Variants in SLC46A1 observed in about 807,000 individuals in gnomAD.
The protein encoded by SLC46A1 is solute carrier family 46 member 1, also known as proton-coupled folate transporter.
Under a neutral mutation model 32.1 loss-of-function variants are expected in SLC46A1, and 17 were observed. The ratio of observed to expected loss-of-function variants is 0.53; its 90% CI spans 0.36 to 0.79. The LOEUF is 0.79. Ranked by LOEUF, SLC46A1 falls within the 30% of genes least tolerant of loss-of-function variation. The probability of loss-of-function intolerance (pLI) is 0.00; values close to 1 mark genes in which losing one functional copy is unlikely to be tolerated. For synonymous variants in SLC46A1, 240 were observed against 262.7 expected (o/e 0.91, Z 0.84); for missense variants, 517 against 588.2 (o/e 0.88, Z 1.25).
chr17:28,404,830 G>T lies in SLC46A1; in HGVS notation c.867C>A (p.Thr289=). 6.2e-7 allele frequency: 1 copy of T among 1,613,986 alleles called. No homozygotes were observed. Among genetic ancestry groups the T allele is most frequent in the Non-Finnish European group, 8.5e-7 (1 of 1,179,904 alleles). The change falls in exon 2 of 5, where the codon ACC becomes ACA. Residue 289 remains threonine, a synonymous_variant. Coordinates refer to ENST00000612814, the MANE Select transcript of SLC46A1 (RefSeq NM_080669.6). Reference sequence around the variant, plus strand: ...AGAGGGGTGTGCTTAGTTCATAAAGGGTTAAGATGTCCTGGGCCCCAAAGT... The same window carrying T: ...AGAGGGGTGTGCTTAGTTCATAAAGTGTTAAGATGTCCTGGGCCCCAAAGT... ...TVHFGAQDIL[T]LYELSTPLCW...
Position 28,406,084 on chromosome 17 carries a change from G to A in SLC46A1, c.31C>T (p.Pro11Ser). Residue 11 changes from proline (P) to serine (S), a missense_variant, in exon 1 of 5, where the codon CCC becomes TCC. Coordinates refer to ENST00000612814, the MANE Select transcript of SLC46A1 (RefSeq NM_080669.6). The surrounding 1 kb of genome is among the most constrained non-coding windows in gnomAD (Gnocchi z 4.5). ...ACGGCAGCCGCAGGGCGGGCGCGGGGCTTTTCCGGGGGGCTCGCGCTCCCC... is the reference window on the plus strand; with the variant it reads ...ACGGCAGCCGCAGGGCGGGCGCGGGACTTTTCCGGGGGGCTCGCGCTCCCC... MEGSASPPEK[P>S]RARPAAAVLC... The A allele has an allele frequency of 6.3e-7, 1 of 1,577,074 alleles. No individual in the cohort carries two copies. Among genetic ancestry groups the A allele is most frequent in the Non-Finnish European group, 8.6e-7 (1 of 1,164,168 alleles).
At chr17:28,399,871 T>A in intron 4 of SLC46A1, 158 bp from the exon 5 acceptor site, 2 of 716,774 alleles carry the variant, frequency 2.8e-6, no homozygotes, top group South Asian at 3.2e-5. Context: ...GAGGACAATA[T>A]CCAGGGACAT....
chr17:28,406,280 C>G (rs2068261910), upstream of SLC46A1: 1 of 511,388 alleles, frequency 2.0e-6, no homozygotes, highest in Non-Finnish European at 3.1e-6. The surrounding 1 kb of genome is among the most constrained non-coding windows in gnomAD (Gnocchi z 4.5). Flanking sequence ...GGCCACCGGA[C>G]TCTCGCCGCG....
chr17:28,405,909 CGG>C lies in SLC46A1; in HGVS notation c.204_205del (p.Asn68LysfsTer96), dbSNP rs397515391. 9 of 1,603,594 alleles carry C rather than the reference CGG, an allele frequency of 5.6e-6. No homozygotes were observed. The highest frequency in any genetic ancestry group is 6.8e-6 in the Non-Finnish European group (8 of 1,176,130). ...TACCTGCATGGTGGGGTCCGCGCTGCGGTTGCTGCAGCCCCCCCTTTGGCGGG... is the reference window on the plus strand; with the variant it reads ...TACCTGCATGGTGGGGTCCGCGCTGCTTGCTGCAGCCCCCCCTTTGGCGGG... On this transcript the variant is annotated frameshift_variant, in exon 1 of 5. Transcript: ENST00000612814. LOFTEE classifies it high-confidence loss of function.
At chr17:28,405,768 C>T (rs868948005) in intron 1 of SLC46A1, 119 bp downstream of exon 1, 8 of 1,205,394 alleles carry the variant, frequency 6.6e-6, no homozygotes, top group Middle Eastern at 2.9e-4. Flanking sequence ...CGCCCACCAT[C>T]CAAAATGCAC....
Position 28,396,059 on chromosome 17 carries a change from G to A in SLC46A1, c.*3597C>T. 6.2e-7 allele frequency: 1 copy of A among 1,613,632 alleles called. No individual in the cohort carries two copies. The highest frequency in any genetic ancestry group is 1.7e-4 in the Middle Eastern group (1 of 6,060). ...CCAGGGCCCTGGGACCAGGGGGGTA[G>A]GGTACAAATCACCATGACAGGCAGA... On this transcript the variant is annotated 3_prime_UTR_variant, in exon 5 of 5. Transcript: ENST00000612814.
In SLC46A1 at chr17:28,398,460, C is replaced by G. The variant is rs531209426; in HGVS notation, c.*1196G>C. 6.6e-6 allele frequency: 1 copy of G among 152,474 alleles called. No individual in the cohort carries two copies. Among genetic ancestry groups the G allele is most frequent in the African/African-American group, 2.4e-5 (1 of 41,574 alleles). 9.4% of individuals were successfully genotyped at this position (152,474 alleles called of 1,614,324 possible). ...ATACTAGGACAAACACAGCTCAGAT[C>G]ACCAGGTCAAGCACCTAGGCCTGGC... On this transcript the variant is annotated 3_prime_UTR_variant, in exon 5 of 5. Transcript: ENST00000612814.
Position 28,396,283 on chromosome 17 carries a change from C to A in SLC46A1, c.*3373G>T. Reference sequence around the variant, plus strand: ...AGGGTGCTGCACCCATGGGTCCAACCTAACCAGTCCCCAGTTCCCCAGCCC... The same window carrying A: ...AGGGTGCTGCACCCATGGGTCCAACATAACCAGTCCCCAGTTCCCCAGCCC... On this transcript the variant is annotated 3_prime_UTR_variant, in exon 5 of 5. Transcript: ENST00000612814. 1 of 1,613,940 alleles carries A rather than the reference C, an allele frequency of 6.2e-7. No homozygotes were observed. Among genetic ancestry groups the A allele is most frequent in the Non-Finnish European group, 8.5e-7 (1 of 1,179,864 alleles).
chr17:28,396,261 G>T lies in SLC46A1; in HGVS notation c.*3395C>A. 2.5e-6 allele frequency: 4 copies of T among 1,614,000 alleles called. No individual in the cohort carries two copies. Among genetic ancestry groups the T allele is most frequent in the Admixed American group, 1.7e-5 (1 of 60,020 alleles). Reference sequence around the variant, plus strand: ...GCAGGCTCTGACACCAGTTTGGAGGGTGCTGCACCCATGGGTCCAACCTAA... The same window carrying T: ...GCAGGCTCTGACACCAGTTTGGAGGTTGCTGCACCCATGGGTCCAACCTAA... On this transcript the variant is annotated 3_prime_UTR_variant, in exon 5 of 5. Coordinates refer to ENST00000612814, the MANE Select transcript of SLC46A1 (RefSeq NM_080669.6).
At chr17:28,403,967 C>G (rs1198842347) in intron 2 of SLC46A1, 1 of 153,560 alleles carries the variant, frequency 6.5e-6, no homozygotes, top group African/African-American at 2.4e-5. Context: ...GAGCCATGAT[C>G]GTGCCACTGC....
rs1555590875 is a variant in SLC46A1 at position 28,405,277 on chromosome 17, G to A, written c.420C>T (p.His140=). 1.3e-6 allele frequency: 2 copies of A among 1,586,408 alleles called. No individual in the cohort carries two copies. The highest frequency in any genetic ancestry group is 1.1e-5 in the South Asian group (1 of 87,282). ...TGCGACCCAGCACGAAGTAGCCGAC[G>A]TGGAGCTGCAGCTGCACCACAAAAA... ...VSVFVVQLQL[H]VGYFVLGRIL... Residue 140 remains histidine (H), a synonymous_variant, in exon 2 of 5, where the codon CAC becomes CAT. Transcript: ENST00000612814.
Position 28,405,082 on chromosome 17 carries a change from G to C in SLC46A1, c.615C>G (p.Ala205=). The change falls in exon 2 of 5, where the codon GCC becomes GCG. Residue 205 remains alanine (A), a synonymous_variant. Coordinates refer to ENST00000612814, the MANE Select transcript of SLC46A1 (RefSeq NM_080669.6). ...GCCAGAAGGGGTTGGCATAACCCTG[G>C]GCCCGGAGCCAGTGGCCCCCGAGGA... The part of the protein sequence containing the change: ...ASLLGGHWLR[A]QGYANPFWLA... 1.2e-6 allele frequency: 2 copies of C among 1,613,944 alleles called. No individual in the cohort carries two copies. The highest frequency in any genetic ancestry group is 1.7e-6 in the Non-Finnish European group (2 of 1,179,884).
intron 4 of SLC46A1, chr17:28,400,190 C>T (rs2068178814): frequency 8.4e-6 from 2 of 238,786 alleles, no homozygotes; most frequent in Admixed American, 5.1e-5. Flanking sequence ...CCTCCACGCC[C>T]GGCCATGAAA....
At position 28,405,147 on chromosome 17, in the gene SLC46A1, G is replaced by C. The variant is rs782404994; in HGVS notation, c.550C>G (p.Leu184Val). ...SRSRTFRMAL[L>V]EASIGVAGML... ...CCAGCCACCCCGATGCTGGCTTCCAGCAGGGCCATCCGGAAGGTGCGGCTG... is the reference window on the plus strand; with the variant it reads ...CCAGCCACCCCGATGCTGGCTTCCACCAGGGCCATCCGGAAGGTGCGGCTG... The change falls in exon 2 of 5, where the codon CTG (leucine) becomes GTG (valine). Residue 184 changes from leucine to valine, a missense_variant. Transcript: ENST00000612814. 1.9e-6 allele frequency: 3 copies of C among 1,612,182 alleles called. No individual in the cohort carries two copies. Among genetic ancestry groups the C allele is most frequent in the Non-Finnish European group, 2.5e-6 (3 of 1,178,874 alleles).
rs1555590848 is a variant in SLC46A1, at chr17:28,405,241, G to A, written c.456C>T (p.Ala152=). Residue 152 remains alanine (A), a synonymous_variant, in exon 2 of 5, where the codon GCC becomes GCT. Coordinates refer to ENST00000612814, the MANE Select transcript of SLC46A1 (RefSeq NM_080669.6). ...GYFVLGRILC[A]LLGDFGGLLA... ...GAAGGCCACCGAAGTCGCCGAGGAG[G>A]GCACAAAGGATGCGACCCAGCACGA... The A allele has an allele frequency of 6.3e-7, 1 of 1,590,294 alleles. No individual in the cohort carries two copies. The highest frequency in any genetic ancestry group is 8.6e-7 in the Non-Finnish European group (1 of 1,168,954).
chr17:28,394,824 A>G lies in SLC46A1; in HGVS notation c.*4832T>C, dbSNP rs1555587411. The G allele has an allele frequency of 6.6e-6, 1 of 152,194 alleles. No individual in the cohort carries two copies. Among genetic ancestry groups the G allele is most frequent in the Non-Finnish European group, 1.5e-5 (1 of 68,028 alleles). 9.4% of individuals were successfully genotyped at this position (152,194 alleles called of 1,614,324 possible). A position where few individuals can be genotyped will look rare whatever the true frequency, so the allele number is the denominator to read the frequency against. ...AGTTAAGGTTTCACTTCCACAGGCA[A>G]AGAGAGAGGAATTTTAGCAGGATTA... On this transcript the variant is annotated 3_prime_UTR_variant, in exon 5 of 5. Coordinates refer to ENST00000612814, the MANE Select transcript of SLC46A1 (RefSeq NM_080669.6).
At chr17:28,406,261 G>A, upstream of SLC46A1, 1 of 588,856 alleles carries the variant, frequency 1.7e-6, no homozygotes, top group Non-Finnish European at 2.5e-6. This position sits in a 1 kb window ranked among gnomAD's most constrained non-coding sequence, Gnocchi z 4.5. Context: ...GGAGGGGCCT[G>A]TGACCTGAGG....
At chr17:28,400,171 A>G (rs1161547292) in intron 4 of SLC46A1, 1 of 245,414 alleles carries the variant, frequency 4.1e-6, no homozygotes, top group African/African-American at 2.3e-5. Context: ...TCGGGATTAC[A>G]GGCAAGAGCC....
At chr17:28,405,767 T>A (rs1304374323) in intron 1 of SLC46A1, 120 bp downstream of exon 1, 5 of 1,188,422 alleles carry the variant, frequency 4.2e-6, no homozygotes, top group Non-Finnish European at 5.8e-6. Context: ...CCGCCCACCA[T>A]CCAAAATGCA....
Sources: gnomAD v4.1 joint callset for allele counts on GRCh38, gnomAD v4.1.1 for gene constraint, Gnocchi (gnomAD v3.1) non-coding constraint, MANE v1.5 for transcripts, NCBI Gene and HGNC (gene_info 2026-07-23, HGNC 2026-07-21) for gene names.